TSPAN5: variants seen among roughly 807,000 people sequenced by gnomAD.
The protein encoded by TSPAN5 is tetraspanin-5.
A neutral mutation model predicts 37.1 loss-of-function variants in TSPAN5; 10 were observed. The ratio of observed to expected loss-of-function variants is 0.27; its 90% CI spans 0.17 to 0.46. TSPAN5 has a LOEUF of 0.46. Among genes scored for constraint, TSPAN5 ranks in the 20% least tolerant of loss-of-function variants. The pLI, the probability that TSPAN5 is intolerant of heterozygous loss-of-function variation, is 1.00. For synonymous variants in TSPAN5, 110 were observed against 118.9 expected, an observed-to-expected ratio of 0.93 and a Z score of 0.48; for missense variants, 195 against 326.6, an observed-to-expected ratio of 0.60 and a Z score of 3.11.
chr4:98,482,784 A>G (rs1199108714), intron 3 of TSPAN5: 2 of 152,216 alleles, frequency 1.3e-5, no homozygotes, highest in African/African-American at 4.8e-5. Flanking sequence ...TCATAAAAAC[A>G]AAATGAAACC....
Position 98,601,470 on chromosome 4 carries a change from T to A in TSPAN5, c.81+56676A>T, listed in dbSNP as rs534822327. On this transcript the variant is annotated intron_variant, in intron 1 of 7. Transcript: ENST00000305798. ...CGTGCTGCTTCACCTTGCGCTTTTA[T>A]GTTATGAAGATGGCTGCTTTCCTTA... 2.0e-5 allele frequency among the ~76,000 whole-genome samples: 3 copies of A among 152,366 alleles called. No homozygotes were observed. The South Asian group carries it at 6.2e-4, about 32-fold the overall frequency.
intron 1 of TSPAN5, among the ~76,000 whole-genome samples, chr4:98,508,003 A>G (rs1000701499): frequency 2.0e-5 from 3 of 152,238 alleles, no homozygotes; most frequent in African/African-American, 7.2e-5. Context: ...GAAATTATCA[A>G]TAACATTTAA....
chr4:98,599,674 A>G (rs1755839525), intron 1 of TSPAN5, among the ~76,000 whole-genome samples: 1 of 152,216 alleles, frequency 6.6e-6, no homozygotes, highest in Non-Finnish European at 1.5e-5. Context: ...ATATGAATGA[A>G]CATTGTATGT....
intron 1 of TSPAN5, among the ~76,000 whole-genome samples, chr4:98,589,385 T>C (rs557372295): frequency 1.3e-5 from 2 of 152,344 alleles, no homozygotes; most frequent in Non-Finnish European, 2.9e-5. Context: ...GCTGCATTAC[T>C]GGCCTGACTT....
chr4:98,599,533 C>T (rs1038604158), intron 1 of TSPAN5, among the ~76,000 whole-genome samples: 1 of 152,076 alleles, frequency 6.6e-6, no homozygotes, highest in East Asian at 1.9e-4. Flanking sequence ...TGTAACCATC[C>T]CCACAATCAA....
chr4:98,563,138 T>C (rs938835965), intron 1 of TSPAN5, among the ~76,000 whole-genome samples: 1 of 152,088 alleles, frequency 6.6e-6, no homozygotes, highest in African/African-American at 2.4e-5. Flanking sequence ...TAGATGAATA[T>C]AATGTATCTT....
intron 1 of TSPAN5, among the ~76,000 whole-genome samples, chr4:98,626,066 G>C (rs1756592523): frequency 6.6e-6 from 1 of 152,124 alleles, no homozygotes; most frequent in Admixed American, 6.5e-5. Flanking sequence ...TGTTGTTCAA[G>C]GACCATCCAC....
At chr4:98,649,841 T>C (rs1473071155) in intron 1 of TSPAN5, among the ~76,000 whole-genome samples, 1 of 152,194 alleles carries the variant, frequency 6.6e-6, no homozygotes, top group Non-Finnish European at 1.5e-5. Context: ...TGTTTCATTC[T>C]GGTTGCTGCA....
At chr4:98,582,925 G>T (rs1003311463) in intron 1 of TSPAN5, among the ~76,000 whole-genome samples, 1 of 152,168 alleles carries the variant, frequency 6.6e-6, no homozygotes, top group Admixed American at 6.5e-5. Flanking sequence ...GTTATGAGTT[G>T]TGAATTCCCT....
At chr4:98,532,211 T>C (rs1754110250) in intron 1 of TSPAN5, among the ~76,000 whole-genome samples, 1 of 152,238 alleles carries the variant, frequency 6.6e-6, no homozygotes. Flanking sequence ...AAAGTAGTTT[T>C]TTCCAATTCT....
chr4:98,518,403 TGGTGGGAGTG>T (rs1753783283), intron 1 of TSPAN5, among the ~76,000 whole-genome samples: 1 of 152,124 alleles, frequency 6.6e-6, no homozygotes, highest in Admixed American at 6.5e-5. Context: ...GCTAATGGTC[TGGTGGGAGTG>T]GGTGGGAGAT....
At chr4:98,484,051 TTTG>T (rs1752906542) in intron 3 of TSPAN5, 1 of 188,598 alleles carries the variant, frequency 5.3e-6, no homozygotes, top group Non-Finnish European at 1.1e-5. Flanking sequence ...TAATTCAGTT[TTTG>T]TTCTCACCTC....
chr4:98,511,136 T>A (rs1036041735), intron 1 of TSPAN5, among the ~76,000 whole-genome samples: 6 of 152,208 alleles, frequency 3.9e-5, no homozygotes, highest in Non-Finnish European at 7.3e-5. Context: ...TGAGGCATCT[T>A]ATCTGAGGCA....
chr4:98,554,240 T>C (rs1397946993), intron 1 of TSPAN5, among the ~76,000 whole-genome samples: 1 of 152,188 alleles, frequency 6.6e-6, no homozygotes, highest in Non-Finnish European at 1.5e-5. Context: ...AAGAAACATG[T>C]TCTTCCAACT....
intron 1 of TSPAN5, among the ~76,000 whole-genome samples, chr4:98,573,656 A>G (rs536663065): frequency 6.6e-6 from 1 of 152,394 alleles, no homozygotes; most frequent in East Asian, 1.9e-4. Flanking sequence ...TTGATTTATG[A>G]GAGCAAGAAT....
chr4:98,552,432 G>A (rs557446720), intron 1 of TSPAN5, among the ~76,000 whole-genome samples: 1 of 152,090 alleles, frequency 6.6e-6, no homozygotes, highest in African/African-American at 2.4e-5. Context: ...ATTCTTCATC[G>A]ACCTTTTTAG....
At chr4:98,503,453 G>A (rs1753402516) in intron 2 of TSPAN5, among the ~76,000 whole-genome samples, 2 of 152,058 alleles carry the variant, frequency 1.3e-5, no homozygotes, top group South Asian at 4.2e-4. Flanking sequence ...AAGGAACCAG[G>A]CCCTCACCCT....
intron 1 of TSPAN5, among the ~76,000 whole-genome samples, chr4:98,629,275 A>G (rs1449234416): frequency 2.6e-5 from 4 of 152,354 alleles, no homozygotes; most frequent in African/African-American, 9.6e-5. Context: ...CTGAGCACAC[A>G]ACCAAGATTG....
At chr4:98,555,994 C>T (rs564208387) in intron 1 of TSPAN5, among the ~76,000 whole-genome samples, 10 of 149,488 alleles carry the variant, frequency 6.7e-5, no homozygotes, top group South Asian at 2.1e-4. Flanking sequence ...CACGTGCGTG[C>T]GCACACACAC....
Sources: gnomAD v4.1 joint callset for allele counts (sites outside exome capture counted in the v4.1 genomes callset) on GRCh38, gnomAD v4.1.1 for gene constraint, MANE v1.5 for transcripts, NCBI Gene and HGNC (gene_info 2026-07-23, HGNC 2026-07-21) for gene names.